Variants in EEA1 observed in about 807,000 individuals in gnomAD.
EEA1 encodes the protein early endosome antigen 1.
In EEA1, 111 loss-of-function variants were observed where a neutral mutation model predicts 209.2. The observed-to-expected ratio is 0.53, with a 90% confidence interval of 0.45 to 0.62. EEA1 has a LOEUF of 0.62. Among genes scored for constraint, EEA1 ranks in the 20% least tolerant of loss-of-function variants. The pLI, the probability that EEA1 is intolerant of heterozygous loss-of-function variation, is 0.00. For missense variants in EEA1, 1,343 were observed against 1,530.8 expected (o/e 0.88, Z 2.05); for synonymous variants, 536 against 540.6 (o/e 0.99, Z 0.12).
chr12:92,822,947 C>G (rs953139025), intron 13 of EEA1, among the ~76,000 whole-genome samples: 2 of 152,124 alleles, frequency 1.3e-5, no homozygotes, highest in African/African-American at 4.8e-5. Context: ...ATGCATCCAC[C>G]GCTACCAACC....
At chr12:92,840,920 G>A (rs1592730993) in intron 10 of EEA1, among the ~76,000 whole-genome samples, 1 of 152,170 alleles carries the variant, frequency 6.6e-6, no homozygotes, top group African/African-American at 2.4e-5. Context: ...TAGGTCCTCA[G>A]GGTTGAGTTC....
Position 92,830,975 on chromosome 12 carries a change from G to A in EEA1, c.1254+1537C>T, listed in dbSNP as rs188348642. Among the ~76,000 whole-genome samples, 83 of 152,250 alleles carry A rather than the reference G, an allele frequency of 5.5e-4. 2 individuals carry two copies. Among genetic ancestry groups the A allele is most frequent in the Admixed American group, 3.4e-3 (52 of 15,294 alleles). On this transcript the variant is annotated intron_variant, in intron 11 of 28. Coordinates refer to ENST00000322349, the MANE Select transcript of EEA1 (RefSeq NM_003566.4). ...GGCCAGCAGAAGCAGGGAAGGAGAA[G>A]ACATGTTACAGAAATATTCTTAATT...
At chr12:92,808,139 T>A (rs950881987) in intron 18 of EEA1, among the ~76,000 whole-genome samples, 1 of 152,158 alleles carries the variant, frequency 6.6e-6, no homozygotes, top group East Asian at 1.9e-4. Flanking sequence ...TTAGATACTA[T>A]GATATTAGGT....
intron 1 of EEA1, among the ~76,000 whole-genome samples, chr12:92,909,186 G>A (rs570213471): frequency 6.6e-6 from 1 of 152,232 alleles, no homozygotes; most frequent in Non-Finnish European, 1.5e-5. Flanking sequence ...CACCCTACGT[G>A]CTTATACTAT....
intron 21 of EEA1, among the ~76,000 whole-genome samples, chr12:92,798,266 T>A (rs868210743): frequency 5.9e-5 from 9 of 152,310 alleles, no homozygotes; most frequent in Non-Finnish European, 1.2e-4. Flanking sequence ...TAAGAATGAT[T>A]TATTTTAAAT....
chr12:92,811,918 C>T (rs1038813256), intron 16 of EEA1, among the ~76,000 whole-genome samples: 1 of 151,740 alleles, frequency 6.6e-6, no homozygotes, highest in Non-Finnish European at 1.5e-5. Flanking sequence ...AAAAGTAGGA[C>T]ACATACCAAA....
chr12:92,873,126 T>C (rs1206049347), intron 2 of EEA1, among the ~76,000 whole-genome samples: 1 of 152,198 alleles, frequency 6.6e-6, no homozygotes, highest in African/African-American at 2.4e-5. Context: ...TATATGACCT[T>C]AAGGAAATCA....
chr12:92,777,875 A>G, intron 26 of EEA1, 66 bp downstream of exon 26: 2 of 1,476,686 alleles, frequency 1.4e-6, no homozygotes, highest in South Asian at 1.2e-5. Context: ...TTTAAAAACT[A>G]TGGAATATGA....
At chr12:92,918,854 C>G (rs995816111) in intron 1 of EEA1, among the ~76,000 whole-genome samples, 1 of 135,030 alleles carries the variant, frequency 7.4e-6, no homozygotes, top group African/African-American at 2.9e-5. Context: ...GCTAGCAAGA[C>G]TAATAAAGAA....
At chr12:92,883,807 C>G in intron 2 of EEA1, 2 of 1,582,932 alleles carry the variant, frequency 1.3e-6, no homozygotes, top group South Asian at 1.1e-5. Context: ...AGAGCCCGAA[C>G]AGCTGAGGAA....
At chr12:92,895,620 T>A (rs1445352742) in intron 1 of EEA1, among the ~76,000 whole-genome samples, 1 of 152,186 alleles carries the variant, frequency 6.6e-6, no homozygotes, top group Non-Finnish European at 1.5e-5. Context: ...TTCATGCCTA[T>A]TAATATAACA....
intron 1 of EEA1, among the ~76,000 whole-genome samples, chr12:92,894,258 T>C (rs756607572): frequency 1.3e-5 from 2 of 152,094 alleles, no homozygotes; most frequent in Non-Finnish European, 2.9e-5. Flanking sequence ...TCCCTTCTCC[T>C]TGAGCCTCCC....
At chr12:92,816,489 A>C (rs1875791199) in intron 14 of EEA1, 89 bp from the exon 15 acceptor site, 1 of 1,249,976 alleles carries the variant, frequency 8.0e-7, no homozygotes, top group Non-Finnish European at 1.1e-6. Flanking sequence ...AGAATATTAA[A>C]GTGCTTTATG....
chr12:92,909,716 G>C (rs1350230477), intron 1 of EEA1, among the ~76,000 whole-genome samples: 2 of 152,196 alleles, frequency 1.3e-5, no homozygotes, highest in Non-Finnish European at 2.9e-5. Flanking sequence ...GAATGGCTTT[G>C]TTATAAAGAC....
At position 92,830,516 on chromosome 12, in the gene EEA1, A is replaced by G. The variant is rs116461500; in HGVS notation, c.1254+1996T>C. 8.0e-3 allele frequency among the ~76,000 whole-genome samples: 1,214 copies of G among 152,320 alleles called. 25 individuals are homozygous for G. The highest frequency in any genetic ancestry group is 0.027 in the African/African-American group (1,117 of 41,578). On this transcript the variant is annotated intron_variant, in intron 11 of 28. Coordinates refer to ENST00000322349, the MANE Select transcript of EEA1 (RefSeq NM_003566.4). ...AGGAGCATGATCTTGTTCCCTAAAA[A>G]AAAAAATTATAAAAAGTGACAAGTG...
chr12:92,906,868 T>C (rs375437206), intron 1 of EEA1, among the ~76,000 whole-genome samples: 81 of 152,284 alleles, frequency 5.3e-4, no homozygotes, highest in African/African-American at 1.8e-3. Flanking sequence ...TTTGTTACTC[T>C]ATTTCATCTG....
In EEA1 at chr12:92,882,692, T is replaced by A. The variant is rs868572308; in HGVS notation, c.117+8937A>T. On this transcript the variant is annotated intron_variant, in intron 2 of 28. Coordinates refer to ENST00000322349, the MANE Select transcript of EEA1 (RefSeq NM_003566.4). Reference sequence around the variant, plus strand: ...CAGTATCTGGTTTTCTGTTCCTGTGTTAATTTGCTTGGGATAATAGCCTCT... The same window carrying A: ...CAGTATCTGGTTTTCTGTTCCTGTGATAATTTGCTTGGGATAATAGCCTCT... Among the ~76,000 whole-genome samples, 50 of 152,330 alleles carry A rather than the reference T, an allele frequency of 3.3e-4. 1 individual carries two copies. Among genetic ancestry groups the A allele is most frequent in the Middle Eastern group, 6.8e-3 (2 of 294 alleles).
At chr12:92,808,484 T>TC (rs1875323640) in intron 18 of EEA1, among the ~76,000 whole-genome samples, 1 of 152,056 alleles carries the variant, frequency 6.6e-6, no homozygotes, top group African/African-American at 2.4e-5. Flanking sequence ...GGTTATTTTT[T>TC]TTTTTTTTTT....
At chr12:92,846,325 G>A (rs941036882) in intron 9 of EEA1, among the ~76,000 whole-genome samples, 5 of 152,098 alleles carry the variant, frequency 3.3e-5, no homozygotes, top group African/African-American at 1.2e-4. Flanking sequence ...GATGAAAGGT[G>A]GCAGACAAGA....
Sources: gnomAD v4.1 joint callset for allele counts (sites outside exome capture counted in the v4.1 genomes callset) on GRCh38, gnomAD v4.1.1 for gene constraint, MANE v1.5 for transcripts, NCBI Gene and HGNC (gene_info 2026-07-23, HGNC 2026-07-21) for gene names.